GAREM2: variants seen among roughly 807,000 people sequenced by gnomAD.
The protein encoded by GAREM2 is GRB2-associated and regulator of MAPK protein 2.
Under a neutral mutation model 55.6 loss-of-function variants are expected in GAREM2, and 30 were observed. The ratio of observed to expected loss-of-function variants is 0.54; its 90% confidence interval spans 0.40 to 0.73. The LOEUF is 0.73. Ranked by LOEUF, GAREM2 falls within the 30% of genes least tolerant of loss-of-function variation. The probability of loss-of-function intolerance (pLI) is 0.00; values close to 1 mark genes in which losing one functional copy is unlikely to be tolerated. For synonymous variants in GAREM2, 550 were observed against 569.1 expected (o/e 0.97, Z 0.48); for missense variants, 1,075 against 1,257.7 (o/e 0.85, Z 2.20).
chr2:26,186,279 C>T lies in GAREM2; in HGVS notation c.1519C>T (p.Pro507Ser), dbSNP rs1219013626. The part of the protein sequence containing the change: ...SGRLSSSPPV[P>S]PRFPKLQPVH... Reference sequence around the variant, plus strand: ...CCGGCTCTCCAGCAGCCCCCCGGTTCCCCCTCGCTTCCCCAAGCTGCAGCC... The same window carrying T: ...CCGGCTCTCCAGCAGCCCCCCGGTTTCCCCTCGCTTCCCCAAGCTGCAGCC... The change falls in exon 5 of 6, where the codon CCC (proline) becomes TCC (serine). Residue 507 changes from proline to serine, a missense_variant. Transcript: ENST00000401533. 2 of 1,550,868 alleles carry T rather than the reference C, an allele frequency of 1.3e-6. No homozygotes were observed. The highest frequency in any genetic ancestry group is 1.7e-6 in the Non-Finnish European group (2 of 1,146,594).
intron 2 of GAREM2, chr2:26,182,519 A>G (rs772893166): frequency 9.1e-6 from 14 of 1,540,336 alleles, no homozygotes; most frequent in African/African-American, 4.1e-5. Flanking sequence ...ATCTGTCCCT[A>G]CCCCCTCAGA....
intron 1 of GAREM2, 28 bp downstream of exon 1, chr2:26,173,360 G>C: frequency 8.1e-7 from 1 of 1,235,872 alleles, no homozygotes; most frequent in African/African-American, 1.6e-5. Context: ...GATGGGGACC[G>C]GGGTCCGCGG....
In GAREM2 at chr2:26,187,439, A is replaced by G; in HGVS notation, c.1807A>G (p.Thr603Ala). The change falls in exon 6 of 6, where the codon ACC becomes GCC. Residue 603 changes from threonine to alanine, a missense_variant. Physicochemically the swap from Thr to Ala is moderately conservative, Grantham distance 58 (BLOSUM62 0). Around this residue, in one of 6 missense-constraint regions of GAREM2, gnomAD observed 515 missense variants for 501.5 expected, o/e 1.03. Transcript: ENST00000401533. ...AGCCGCCTCCCTTCTGGGGGCTGAC[A>G]CCCCTGTTAAGACCTACCACAGCTG... The part of the protein sequence containing the change: ...GRAASLLGAD[T>A]PVKTYHSCPP... 1.3e-6 allele frequency: 2 copies of G among 1,547,394 alleles called. No individual in the cohort carries two copies. The highest frequency in any genetic ancestry group is 1.7e-6 in the Non-Finnish European group (2 of 1,145,062).
At chr2:26,186,502 AG>A in intron 5 of GAREM2, 144 bp downstream of exon 5, 1 of 759,812 alleles carries the variant, frequency 1.3e-6, no homozygotes, top group Non-Finnish European at 2.1e-6. Context: ...GCAGTGGCTC[AG>A]GGATTGGCAC....
downstream of GAREM2, among the ~76,000 whole-genome samples, chr2:26,192,008 G>A (rs1000297620): frequency 6.6e-6 from 1 of 152,276 alleles, no homozygotes; most frequent in South Asian, 2.1e-4. Context: ...GCAGGGGAGG[G>A]CCTTCACCAG....
chr2:26,201,384 T>C, the GAREM2 span: 1 of 1,127,284 alleles, frequency 8.9e-7, no homozygotes, highest in Non-Finnish European at 1.4e-6. Flanking sequence ...TGAATGTCCA[T>C]GGGCCAGAGC....
At chr2:26,184,041 G>C (rs1452227913) in intron 3 of GAREM2, among the ~76,000 whole-genome samples, 192 bp from the exon 4 acceptor site, 1 of 152,286 alleles carries the variant, frequency 6.6e-6, no homozygotes, top group Non-Finnish European at 1.5e-5. Context: ...GCGTGGAGGG[G>C]CAACTCATTT....
the GAREM2 span, among the ~76,000 whole-genome samples, chr2:26,203,602 C>T: frequency 6.6e-6 from 1 of 152,180 alleles, no homozygotes; most frequent in African/African-American, 2.4e-5. Context: ...TGATCCCGGC[C>T]CTGCCTTCCC....
chr2:26,192,842 A>G (rs775353311), downstream of GAREM2, among the ~76,000 whole-genome samples: 2 of 152,224 alleles, frequency 1.3e-5, no homozygotes, highest in Non-Finnish European at 2.9e-5. Flanking sequence ...TTGTATGTCT[A>G]GCTAACCCTA....
At chr2:26,175,344 C>T (rs1191938724) in intron 1 of GAREM2, among the ~76,000 whole-genome samples, 2 of 152,184 alleles carry the variant, frequency 1.3e-5, no homozygotes, top group African/African-American at 4.8e-5. Context: ...GGCCCAGACC[C>T]CTCCCAACTC....
At chr2:26,177,029 G>A (rs1369177611) in intron 2 of GAREM2, among the ~76,000 whole-genome samples, 1 of 152,184 alleles carries the variant, frequency 6.6e-6, no homozygotes, top group Non-Finnish European at 1.5e-5. Context: ...TTATGCTAAT[G>A]GACTACCTTT....
intron 2 of GAREM2, among the ~76,000 whole-genome samples, chr2:26,178,405 A>AAAC (rs1289247167): frequency 1.4e-5 from 1 of 70,198 alleles, no homozygotes; most frequent in Non-Finnish European, 2.6e-5. Flanking sequence ...AAACAAAAAC[A>AAAC]AACAACCCCC....
In GAREM2 at chr2:26,184,637, G is replaced by A. The variant is rs1669164204; in HGVS notation, c.789G>A (p.Leu263=). The A allele has an allele frequency of 6.5e-6, 10 of 1,546,866 alleles. No individual in the cohort carries two copies. The East Asian group carries it at 2.5e-4, about 38-fold the overall frequency. The stretch of plus-strand genomic sequence containing the variant: ...GCGCCATCATCGAGCGCGTGAGGCT[G>A]CCGGTGAACGTGCTGGTGCCCAGCC... ...TVRAIIERVR[L]PVNVLVPSRP... Residue 263 remains leucine, a synonymous_variant, in exon 4 of 6, where the codon CTG becomes CTA. Transcript: ENST00000401533.
At chr2:26,174,596 C>G (rs1364301602) in intron 1 of GAREM2, among the ~76,000 whole-genome samples, 1 of 152,206 alleles carries the variant, frequency 6.6e-6, no homozygotes, top group Non-Finnish European at 1.5e-5. Context: ...GACCAGGCAT[C>G]CTTGCCCAAT....
intron 1 of GAREM2, among the ~76,000 whole-genome samples, chr2:26,174,334 C>A (rs1372929043): frequency 6.6e-6 from 1 of 152,232 alleles, no homozygotes; most frequent in African/African-American, 2.4e-5. Flanking sequence ...GGCTCGCGGC[C>A]GAGTGGTCAG....
chr2:26,192,303 G>GACTT, downstream of GAREM2: 2 of 1,422,946 alleles, frequency 1.4e-6, no homozygotes, highest in Non-Finnish European at 2.0e-6. Context: ...CACTCAAACG[G>GACTT]ACTTACACTT....
At chr2:26,175,712 C>T (rs948922801) in intron 1 of GAREM2, among the ~76,000 whole-genome samples, 1 of 152,184 alleles carries the variant, frequency 6.6e-6, no homozygotes, top group Non-Finnish European at 1.5e-5. Flanking sequence ...CTGCTCTAAG[C>T]CCTGTCATTC....
the GAREM2 span, among the ~76,000 whole-genome samples, chr2:26,202,926 T>C: frequency 3.9e-5 from 6 of 152,340 alleles, no homozygotes; most frequent in Admixed American, 2.6e-4. Flanking sequence ...AAGTCAGCAG[T>C]GTGGTGAGCG....
chr2:26,198,892 A>G, the GAREM2 span, among the ~76,000 whole-genome samples: 54 of 151,362 alleles, frequency 3.6e-4, no homozygotes, highest in African/African-American at 1.2e-3. Flanking sequence ...TCTACAAAAC[A>G]TAACTTTTTT....
Sources: allele counts gnomAD v4.1 joint callset (sites outside exome capture counted in the v4.1 genomes callset), GRCh38; gene constraint gnomAD v4.1.1; regional missense constraint gnomAD v4.1.1; transcripts MANE v1.5; gene names NCBI Gene and HGNC (gene_info 2026-07-23, HGNC 2026-07-21).